The following CSMD1 variants were observed in gnomAD, a reference collection of about 807,000 sequenced individuals.
CSMD1 encodes CUB and Sushi multiple domains 1.
Under a neutral mutation model 417.5 loss-of-function variants are expected in CSMD1, and 213 were observed. That is an observed-to-expected ratio of 0.51 (90% CI 0.46 to 0.57). CSMD1 has a LOEUF of 0.57. Among genes scored for constraint, CSMD1 ranks in the 20% least tolerant of loss-of-function variants. The pLI, the probability that CSMD1 is intolerant of heterozygous loss-of-function variation, is 0.00. For synonymous variants in CSMD1, 2,862 were observed against 1,736.8 expected (o/e 1.65, Z -16.11); for missense variants, 6,923 against 4,529.7 (o/e 1.53, Z -15.17).
At chr8:3,474,291 T>C (rs920671910) in intron 11 of CSMD1, among the ~76,000 whole-genome samples, 1 of 152,086 alleles carries the variant, frequency 6.6e-6, no homozygotes, top group African/African-American at 2.4e-5. Flanking sequence ...ATGATAATCA[T>C]ACAAATGCAG....
At chr8:4,662,426 T>G (rs972029961) in intron 1 of CSMD1, among the ~76,000 whole-genome samples, 1 of 152,162 alleles carries the variant, frequency 6.6e-6, no homozygotes, top group African/African-American at 2.4e-5. Context: ...ATTGACACGC[T>G]TTTCTTTTAA....
At chr8:4,000,247 G>C (rs1034357459) in intron 4 of CSMD1, among the ~76,000 whole-genome samples, 1 of 151,454 alleles carries the variant, frequency 6.6e-6, no homozygotes, top group African/African-American at 2.4e-5. Flanking sequence ...GCCCTCCGTG[G>C]ACACCACTGT....
chr8:4,190,543 C>T (rs73658446), intron 3 of CSMD1, among the ~76,000 whole-genome samples: 25,664 of 147,934 alleles, frequency 0.17, 2,372 homozygotes, highest in Admixed American at 0.26. Flanking sequence ...CACATATAAG[C>T]TTTTTTTTTT....
intron 2 of CSMD1, among the ~76,000 whole-genome samples, chr8:4,493,455 G>C (rs1446174261): frequency 6.6e-6 from 1 of 152,058 alleles, no homozygotes; most frequent in Non-Finnish European, 1.5e-5. Flanking sequence ...CAACACTTTG[G>C]GAGGCTGAGG....
At chr8:4,077,500 C>G (rs958667766) in intron 3 of CSMD1, among the ~76,000 whole-genome samples, 3 of 151,812 alleles carry the variant, frequency 2.0e-5, no homozygotes, top group Non-Finnish European at 4.4e-5. Flanking sequence ...AGTTTACTTG[C>G]ATTGTTTAAC....
intron 11 of CSMD1, among the ~76,000 whole-genome samples, chr8:3,469,828 AT>A (rs1816983860): frequency 1.3e-5 from 2 of 152,352 alleles, no homozygotes; most frequent in South Asian, 4.1e-4. Flanking sequence ...TTACACACAA[AT>A]TGAAAAGAGG....
intron 4 of CSMD1, among the ~76,000 whole-genome samples, chr8:4,015,315 T>A (rs186174429): frequency 6.6e-6 from 1 of 152,196 alleles, no homozygotes; most frequent in Non-Finnish European, 1.5e-5. Flanking sequence ...ATAAAAAGCA[T>A]GACTTCTCTT....
intron 2 of CSMD1, among the ~76,000 whole-genome samples, chr8:4,588,977 A>G (rs375996132): frequency 1.3e-5 from 2 of 152,278 alleles, no homozygotes. Flanking sequence ...ACAATATACT[A>G]TATATAATAT....
Position 3,564,448 on chromosome 8 carries a change from T to A in CSMD1, c.1344+10497A>T, listed in dbSNP as rs540757941. On this transcript the variant is annotated intron_variant, in intron 10 of 69. Coordinates refer to ENST00000635120, the MANE Select transcript of CSMD1 (RefSeq NM_033225.6). The stretch of plus-strand genomic sequence containing the variant: ...TACAGCTGTGCTGTTATTCTTTACC[T>A]CTGTAACACTTTACGTTGTACACTG... 6.9e-4 allele frequency among the ~76,000 whole-genome samples: 105 copies of A among 152,228 alleles called. 1 individual carries two copies. The highest frequency in any genetic ancestry group is 3.4e-3 in the Middle Eastern group (1 of 294).
intron 30 of CSMD1, among the ~76,000 whole-genome samples, chr8:3,208,960 T>C (rs1797451065): frequency 3.9e-5 from 6 of 152,194 alleles, no homozygotes; most frequent in Admixed American, 3.9e-4. Flanking sequence ...AAACTCCCCT[T>C]TATATATGTA....
At chr8:3,810,997 T>G (rs1441144567) in intron 5 of CSMD1, among the ~76,000 whole-genome samples, 2 of 152,228 alleles carry the variant, frequency 1.3e-5, no homozygotes, top group African/African-American at 4.8e-5. Flanking sequence ...AAGCTATGAA[T>G]TAACACTGTT....
chr8:4,062,936 T>A (rs1330487505), intron 3 of CSMD1, among the ~76,000 whole-genome samples: 1 of 151,870 alleles, frequency 6.6e-6, no homozygotes, highest in African/African-American at 2.4e-5. Flanking sequence ...AATTCTTCTA[T>A]ATAAAAAGCT....
intron 7 of CSMD1, among the ~76,000 whole-genome samples, chr8:3,657,218 C>G (rs1798174890): frequency 6.6e-6 from 1 of 152,052 alleles, no homozygotes; most frequent in South Asian, 2.1e-4. Context: ...TTTCATTATG[C>G]CTTGGGGTAT....
chr8:4,089,968 T>C (rs1307955573), intron 3 of CSMD1, among the ~76,000 whole-genome samples: 3 of 152,204 alleles, frequency 2.0e-5, no homozygotes, highest in South Asian at 2.1e-4. Context: ...GACTTTCAGA[T>C]AGAATGCCGC....
At chr8:3,374,750 C>G (rs1005043632) in intron 18 of CSMD1, among the ~76,000 whole-genome samples, 1 of 152,146 alleles carries the variant, frequency 6.6e-6, no homozygotes, top group Admixed American at 6.5e-5. Context: ...ATTCCAGGAT[C>G]CTACGGCTTC....
chr8:4,432,086 A>T (rs1352292105), intron 2 of CSMD1, among the ~76,000 whole-genome samples: 5 of 152,244 alleles, frequency 3.3e-5, no homozygotes, highest in Non-Finnish European at 7.3e-5. Context: ...TAGAATACAG[A>T]AATATTGGCT....
At chr8:3,332,548 A>G (rs1806973414) in intron 23 of CSMD1, among the ~76,000 whole-genome samples, 1 of 152,242 alleles carries the variant, frequency 6.6e-6, no homozygotes, top group Non-Finnish European at 1.5e-5. Flanking sequence ...TTTTATTTGC[A>G]GACAACAGAT....
chr8:3,473,576 G>C (rs1248261496), intron 11 of CSMD1, among the ~76,000 whole-genome samples: 1 of 152,048 alleles, frequency 6.6e-6, no homozygotes, highest in Non-Finnish European at 1.5e-5. Context: ...GTTGCCCTTT[G>C]CAACTGGTTA....
chr8:3,713,527 A>G (rs976956251), intron 6 of CSMD1, among the ~76,000 whole-genome samples: 1 of 152,044 alleles, frequency 6.6e-6, no homozygotes, highest in Non-Finnish European at 1.5e-5. Flanking sequence ...CCACAGCCAG[A>G]CATCTGCCTT....
Sources: allele counts gnomAD v4.1 joint callset (sites outside exome capture counted in the v4.1 genomes callset), GRCh38; gene constraint gnomAD v4.1.1; transcripts MANE v1.5; gene names NCBI Gene and HGNC (gene_info 2026-07-23, HGNC 2026-07-21).